Variants in KIF5C observed in about 807,000 individuals in gnomAD.
KIF5C encodes the protein kinesin family member 5C, also known as kinesin heavy chain isoform 5C.
Under a neutral mutation model 125.2 loss-of-function variants are expected in KIF5C, and 18 were observed. That is an observed-to-expected ratio of 0.14 (90% confidence interval 0.10 to 0.21). The LOEUF is 0.21. Ranked by LOEUF, KIF5C falls within the 10% of genes least tolerant of loss-of-function variation. The probability of loss-of-function intolerance (pLI) is 1.00; values close to 1 mark genes in which losing one functional copy is unlikely to be tolerated. For synonymous variants in KIF5C, 405 were observed against 434.0 expected, an observed-to-expected ratio of 0.93 and a Z score of 0.83; for missense variants, 780 against 1,183.8, an observed-to-expected ratio of 0.66 and a Z score of 5.01.
chr2:149,010,476 G>T (rs1682156225), intron 24 of KIF5C, 125 bp downstream of exon 24: 10 of 1,428,630 alleles, frequency 7.0e-6, no homozygotes, highest in Non-Finnish European at 9.2e-6. Flanking sequence ...GTTGGAGCCC[G>T]CAGGACGCAG....
At position 149,011,820 on chromosome 2, in the gene KIF5C, A is replaced by G. The variant is rs1041424129; in HGVS notation, c.*7+137A>G. On this transcript the variant is annotated intron_variant, in intron 25 of 25. Transcript: ENST00000435030. ...AGCACACACCCTGGGGGTTCCAGGT[A>G]AACAGAGACCCAGACCTGTCCTCAC... 45 of 1,241,958 alleles carry G rather than the reference A, an allele frequency of 3.6e-5. No individual in the cohort carries two copies. The Admixed American group carries it at 4.0e-4, about 11-fold the overall frequency. 76.9% of individuals were successfully genotyped at this position (1,241,958 alleles called of 1,614,324 possible). A position where few individuals can be genotyped will look rare whatever the true frequency, so the allele number is the denominator to read the frequency against.
chr2:148,899,997 G>A lies in KIF5C; in HGVS notation c.127-22140G>A, dbSNP rs117242312. Among the ~76,000 whole-genome samples the A allele has an allele frequency of 8.0e-3, 1,221 of 152,322 alleles. 32 individuals are homozygous for A. Among genetic ancestry groups the A allele is most frequent in the East Asian group, 0.058 (300 of 5,176 alleles). On this transcript the variant is annotated intron_variant, in intron 1 of 25. Coordinates refer to ENST00000435030, the MANE Select transcript of KIF5C (RefSeq NM_004522.3). The stretch of plus-strand genomic sequence containing the variant: ...AACTTTAAGCTCAGCTCAAACCGAT[G>A]CAGAGACAATTAAGGTTGGTAGCTG...
chr2:148,909,924 A>G (rs1437960274), intron 1 of KIF5C, among the ~76,000 whole-genome samples: 1 of 152,184 alleles, frequency 6.6e-6, no homozygotes, highest in Non-Finnish European at 1.5e-5. Context: ...TGATTTCTCC[A>G]TCTGTAAAAT....
intron 3 of KIF5C, among the ~76,000 whole-genome samples, chr2:148,932,755 G>C (rs909547985): frequency 6.6e-6 from 1 of 152,244 alleles, no homozygotes; most frequent in African/African-American, 2.4e-5. Context: ...CAGCCGTCCC[G>C]CCAAGCCTGC....
rs894726412 is a variant in KIF5C at position 149,026,321 on chromosome 2, C to T, written c.*3251C>T. Reference sequence around the variant, plus strand: ...CATTGAATAATGGCTGGATAACTGCCGAAGTAAGCGCCGCTCCATGAAGTC... The same window carrying T: ...CATTGAATAATGGCTGGATAACTGCTGAAGTAAGCGCCGCTCCATGAAGTC... On this transcript the variant is annotated 3_prime_UTR_variant, in exon 26 of 26. Coordinates refer to ENST00000435030, the MANE Select transcript of KIF5C (RefSeq NM_004522.3). 1 of 152,080 alleles carries T rather than the reference C, an allele frequency of 6.6e-6. No homozygotes were observed. The allele number at this position is 152,080 out of a possible 1,614,324, so 9.4% of individuals were successfully genotyped here. A position where few individuals can be genotyped will look rare whatever the true frequency, so the allele number is the denominator to read the frequency against.
intron 25 of KIF5C, among the ~76,000 whole-genome samples, chr2:149,020,788 C>T (rs1682512478): frequency 6.6e-6 from 1 of 152,170 alleles, no homozygotes; most frequent in Admixed American, 6.5e-5. Context: ...GCAGGCACTC[C>T]TATTGGTTTT....
rs138257795 is a variant in KIF5C, at chr2:148,918,805, C to T, written c.127-3332C>T. Among the ~76,000 whole-genome samples the T allele has an allele frequency of 2.7e-3, 417 of 152,224 alleles. 2 individuals carry two copies. Among genetic ancestry groups the T allele is most frequent in the African/African-American group, 8.8e-3 (366 of 41,548 alleles). ...GTATCTGATTTACAGTTTTAGGAAG[C>T]TCATTTTAGCTGCTAAGTGGAAATT... On this transcript the variant is annotated intron_variant, in intron 1 of 25. Coordinates refer to ENST00000435030, the MANE Select transcript of KIF5C (RefSeq NM_004522.3).
At chr2:148,962,708 G>C (rs1185635438) in intron 11 of KIF5C, among the ~76,000 whole-genome samples, 2 of 152,116 alleles carry the variant, frequency 1.3e-5, no homozygotes, top group Non-Finnish European at 1.5e-5. Context: ...CCAATGAGAT[G>C]CACTCTATCT....
chr2:148,942,076 A>C, intron 6 of KIF5C, 86 bp downstream of exon 6: 1 of 1,477,210 alleles, frequency 6.8e-7, no homozygotes, highest in East Asian at 2.3e-5. Context: ...GCAGAATATT[A>C]TCTGTAAAGA....
At chr2:148,999,300 T>C (rs1380519429) in intron 19 of KIF5C, among the ~76,000 whole-genome samples, 2 of 142,376 alleles carry the variant, frequency 1.4e-5, no homozygotes, top group African/African-American at 5.3e-5. Context: ...TTTCTGTAGA[T>C]GAAGAAACAG....
intron 19 of KIF5C, 167 bp from the exon 20 acceptor site, chr2:149,000,256 G>A: frequency 5.6e-6 from 4 of 710,878 alleles, no homozygotes. Context: ...GTTTTCACTT[G>A]GGCACGGAGG....
chr2:148,969,601 C>A (rs749595091), intron 11 of KIF5C, among the ~76,000 whole-genome samples: 3 of 152,184 alleles, frequency 2.0e-5, no homozygotes, highest in Non-Finnish European at 4.4e-5. Context: ...AGATGCTAAT[C>A]TTCCTTTGGT....
intron 1 of KIF5C, among the ~76,000 whole-genome samples, chr2:148,915,513 C>G (rs1681510425): frequency 6.6e-6 from 1 of 152,180 alleles, no homozygotes; most frequent in Non-Finnish European, 1.5e-5. Context: ...GATAGTGTCC[C>G]AAAGCCCCAG....
chr2:148,875,575 G>GCCCCCCCCCCCCCCCCCCCCCCCCC lies in KIF5C; in HGVS notation c.-37_-36insCCCCCCCCCCCCCCCCCCCCCCCCC. On this transcript the variant is annotated 5_prime_UTR_variant, in exon 1 of 26. Transcript: ENST00000435030. ...TCCTCCCTCGTCGTTCCCGGCCCCG[G>GCCCCCCCCCCCCCCCCCCCCCCCCC]CCCCCCACCCATCCCCGTGCCCCCT... 2.1e-5 allele frequency: 15 copies of GCCCCCCCCCCCCCCCCCCCCCCCCC among 699,598 alleles called. No individual in the cohort carries two copies. Among genetic ancestry groups the GCCCCCCCCCCCCCCCCCCCCCCCCC allele is most frequent in the Non-Finnish European group, 2.8e-5 (11 of 389,226 alleles). 43.3% of individuals were successfully genotyped at this position (699,598 alleles called of 1,614,324 possible). A position where few individuals can be genotyped will look rare whatever the true frequency, so the allele number is the denominator to read the frequency against.
chr2:148,936,535 G>C (rs911925039), intron 3 of KIF5C, among the ~76,000 whole-genome samples: 3 of 152,120 alleles, frequency 2.0e-5, no homozygotes, highest in Non-Finnish European at 4.4e-5. Flanking sequence ...AATCTTCAGG[G>C]GTGGCAAATT....
intron 2 of KIF5C, among the ~76,000 whole-genome samples, chr2:148,923,074 A>G (rs1215854356): frequency 1.3e-5 from 2 of 152,154 alleles, no homozygotes; most frequent in African/African-American, 4.8e-5. Context: ...ATTTCCTTCA[A>G]ATGTGAATGC....
At position 148,991,049 on chromosome 2, in the gene KIF5C, A is replaced by G. The variant is rs767925704; in HGVS notation, c.1756A>G (p.Met586Val). 6.2e-7 allele frequency: 1 copy of G among 1,613,724 alleles called. No homozygotes were observed. Among genetic ancestry groups the G allele is most frequent in the Non-Finnish European group, 8.5e-7 (1 of 1,179,778 alleles). ...TGGAGTCATTGAGGAGGAGTTTACCATGGCCCGCCTGTACATCAGCAAGAT... is the reference window on the plus strand; with the variant it reads ...TGGAGTCATTGAGGAGGAGTTTACCGTGGCCCGCCTGTACATCAGCAAGAT... ...VNGVIEEEFT[M>V]ARLYISKMKS... Residue 586 changes from methionine (M) to valine (V), a missense_variant, in exon 16 of 26, where the codon ATG becomes GTG. Physicochemically the swap from Met to Val is conservative, Grantham distance 21 (BLOSUM62 1). Transcript: ENST00000435030.
chr2:149,000,746 A>C lies in KIF5C; in HGVS notation c.2337A>C (p.Gln779His). 6.2e-7 allele frequency: 1 copy of C among 1,614,038 alleles called. No individual in the cohort carries two copies. The highest frequency in any genetic ancestry group is 1.3e-5 in the African/African-American group (1 of 75,072). The stretch of plus-strand genomic sequence containing the variant: ...GATTGCTCAACGATAAAAGGGAACA[A>C]GCCAGAGAAGACCTCAAAGGGCTGG... ...KLLLLNDKRE[Q>H]AREDLKGLEE... is the part of the protein sequence containing the mutation. Residue 779 changes from glutamine to histidine, a missense_variant, in exon 21 of 26, where the codon CAA becomes CAC. By Grantham distance (24) the Gln-to-His change is conservative. This residue lies in a region of KIF5C where 573 missense variants were observed against 742.6 expected (regional missense o/e 0.77). Transcript: ENST00000435030.
At chr2:148,981,904 G>A (rs1267350673) in intron 14 of KIF5C, among the ~76,000 whole-genome samples, 1 of 152,198 alleles carries the variant, frequency 6.6e-6, no homozygotes, top group Non-Finnish European at 1.5e-5. Flanking sequence ...AGACAGTTAA[G>A]CTTTGTGAGT....
Sources: gnomAD v4.1 joint callset for allele counts (sites outside exome capture counted in the v4.1 genomes callset) on GRCh38, gnomAD v4.1.1 for gene constraint, gnomAD v4.1.1 regional missense constraint, MANE v1.5 for transcripts, NCBI Gene and HGNC (gene_info 2026-07-23, HGNC 2026-07-21) for gene names.